Variants in AFF2 observed in about 807,000 individuals in gnomAD.
The protein encoded by AFF2 is AF4/FMR2 family member 2.
In AFF2, 14 loss-of-function variants were observed where a neutral mutation model predicts 76.9. The observed-to-expected ratio is 0.18, with a 90% confidence interval of 0.12 to 0.28. AFF2 has a LOEUF of 0.28. Ranked by LOEUF, AFF2 falls within the 10% of genes least tolerant of loss-of-function variation. The pLI, the probability that AFF2 is intolerant of heterozygous loss-of-function variation, is 1.00. For synonymous variants in AFF2, 398 were observed against 366.7 expected, an observed-to-expected ratio of 1.09 and a Z score of -0.98; for missense variants, 868 against 1,001.1, an observed-to-expected ratio of 0.87 and a Z score of 1.79.
intron 3 of AFF2, among the ~76,000 whole-genome samples, chrX:148,759,015 C>A (rs782098452): frequency 1.8e-5 from 2 of 111,918 alleles, no homozygotes; most frequent in South Asian, 7.5e-4. Context: ...CTCAGGTGAT[C>A]CACCCACCCC....
intron 3 of AFF2, among the ~76,000 whole-genome samples, chrX:148,667,708 A>C (rs2054374050): frequency 9.0e-6 from 1 of 111,451 alleles, no homozygotes; most frequent in Non-Finnish European, 1.9e-5. Context: ...TGAGAACATC[A>C]CAGCAAAGAC....
chrX:148,808,594 C>A (rs1488997165), intron 3 of AFF2, among the ~76,000 whole-genome samples: 1 of 111,883 alleles, frequency 8.9e-6, no homozygotes, highest in African/African-American at 3.3e-5. Flanking sequence ...AATAATTACA[C>A]AGATAAGAAG....
At chrX:148,910,377 A>T (rs1474884013) in intron 9 of AFF2, among the ~76,000 whole-genome samples, 1 of 112,584 alleles carries the variant, frequency 8.9e-6, no homozygotes, top group African/African-American at 3.2e-5. Flanking sequence ...TGCTGAGGAA[A>T]TTAAAAGTAA....
chrX:148,737,112 C>G (rs1354044571), intron 3 of AFF2, among the ~76,000 whole-genome samples: 2 of 110,938 alleles, frequency 1.8e-5, no homozygotes, highest in Non-Finnish European at 3.8e-5. Flanking sequence ...CTTTTTGGTT[C>G]CATATGAATT....
chrX:148,694,810 C>CTTTT (rs34803945), intron 3 of AFF2, among the ~76,000 whole-genome samples: 3 of 49,125 alleles, frequency 6.1e-5, no homozygotes, highest in Admixed American at 2.9e-4. Flanking sequence ...TCACAAAGCA[C>CTTTT]TTTTTTTTTT....
At chrX:148,698,710 A>G (rs1323137266) in intron 3 of AFF2, among the ~76,000 whole-genome samples, 9 of 111,662 alleles carry the variant, frequency 8.1e-5, no homozygotes, top group Non-Finnish European at 1.5e-4. Context: ...TAAACTTTGA[A>G]AATGTTTACA....
intron 4 of AFF2, among the ~76,000 whole-genome samples, chrX:148,818,349 C>G (rs1557272316): frequency 9.0e-6 from 1 of 111,598 alleles, no homozygotes; most frequent in Non-Finnish European, 1.9e-5. Flanking sequence ...AATCCTTTTA[C>G]ACCTTATGAA....
intron 1 of AFF2, among the ~76,000 whole-genome samples, chrX:148,589,471 T>C (rs1569551823): frequency 8.9e-6 from 1 of 112,333 alleles, no homozygotes; most frequent in Non-Finnish European, 1.9e-5. Flanking sequence ...ACCTGGCTGG[T>C]GACATTTGGA....
intron 3 of AFF2, among the ~76,000 whole-genome samples, chrX:148,701,012 A>ATGTGTGTGTGTGTG (rs10675200): frequency 4.7e-4 from 35 of 73,730 alleles, no homozygotes; most frequent in African/African-American, 5.2e-4. Flanking sequence ...GAGAGAGAGA[A>ATGTGTGTGTGTGTG]TGTGTGTGTG....
At chrX:148,904,690 AAG>A (rs782362472) in intron 9 of AFF2, among the ~76,000 whole-genome samples, 16 of 112,332 alleles carry the variant, frequency 1.4e-4, no homozygotes, top group African/African-American at 4.8e-4. Flanking sequence ...CCTTGGCATC[AAG>A]GCCTCAATAC....
chrX:148,552,965 T>A (rs1208488596), intron 1 of AFF2, among the ~76,000 whole-genome samples: 2 of 111,463 alleles, frequency 1.8e-5, no homozygotes, highest in Non-Finnish European at 3.8e-5. Flanking sequence ...AAGAAATGAG[T>A]GGTTTTACCC....
intron 3 of AFF2, among the ~76,000 whole-genome samples, chrX:148,784,496 G>A (rs1436866433): frequency 1.8e-5 from 2 of 111,846 alleles, no homozygotes; most frequent in Non-Finnish European, 3.8e-5. Context: ...CATTATGGCA[G>A]GGGTGCCTGT....
intron 7 of AFF2, among the ~76,000 whole-genome samples, chrX:148,863,565 T>C (rs1414267831): frequency 8.9e-6 from 1 of 112,077 alleles, no homozygotes; most frequent in Non-Finnish European, 1.9e-5. Flanking sequence ...AGTAGCAACA[T>C]GTACTTTTTC....
At chrX:148,937,274 A>T (rs1557285127) in intron 9 of AFF2, among the ~76,000 whole-genome samples, 1 of 112,057 alleles carries the variant, frequency 8.9e-6, no homozygotes, top group African/African-American at 3.2e-5. Context: ...CAACTAAATC[A>T]TATCTCCAGT....
At chrX:148,757,019 A>G (rs1272346259) in intron 3 of AFF2, among the ~76,000 whole-genome samples, 2 of 112,396 alleles carry the variant, frequency 1.8e-5, no homozygotes, top group Non-Finnish European at 3.8e-5. Flanking sequence ...TTTTAAAATC[A>G]TATTCAATTT....
At chrX:148,545,076 T>C (rs1387537827) in intron 1 of AFF2, among the ~76,000 whole-genome samples, 16 of 112,341 alleles carry the variant, frequency 1.4e-4, no homozygotes, top group Non-Finnish European at 2.3e-4. Flanking sequence ...TTTTATTCTA[T>C]GAGTTATAAT....
At chrX:148,597,923 C>T (rs937715548) in intron 1 of AFF2, among the ~76,000 whole-genome samples, 3 of 112,302 alleles carry the variant, frequency 2.7e-5, no homozygotes, top group Non-Finnish European at 3.8e-5. Context: ...ATAAAGGTTT[C>T]ATCTATTAAC....
At chrX:148,706,818 TTGTC>T (rs1184991538) in intron 3 of AFF2, among the ~76,000 whole-genome samples, 1 of 112,727 alleles carries the variant, frequency 8.9e-6, no homozygotes, top group Non-Finnish European at 1.9e-5. Flanking sequence ...TAAAAAGTCA[TTGTC>T]TGCAAATGTT....
intron 3 of AFF2, among the ~76,000 whole-genome samples, chrX:148,807,086 T>A (rs372436978): frequency 3.7e-4 from 41 of 112,270 alleles, no homozygotes; most frequent in African/African-American, 1.3e-3. Flanking sequence ...CCTTTAGAGT[T>A]CTCTGTCTGT....
Sources: allele counts gnomAD v4.1 joint callset (sites outside exome capture counted in the v4.1 genomes callset), GRCh38; gene constraint gnomAD v4.1.1; transcripts MANE v1.5; gene names NCBI Gene and HGNC (gene_info 2026-07-23, HGNC 2026-07-21).